Variants in CNTN3 observed in about 807,000 individuals in gnomAD.
CNTN3 encodes contactin 3, also known as contactin-3.
In CNTN3, 60 loss-of-function variants were observed where a neutral mutation model predicts 119.1. The ratio of observed to expected loss-of-function variants is 0.50; its 90% confidence interval spans 0.41 to 0.62. The LOEUF (loss-of-function observed/expected upper bound fraction) is 0.62. Ranked by LOEUF, CNTN3 falls within the 20% of genes least tolerant of loss-of-function variation. CNTN3 has a pLI of 0.00. For synonymous variants in CNTN3, 450 were observed against 438.7 expected, an observed-to-expected ratio of 1.03 and a Z score of -0.32; for missense variants, 1,101 against 1,242.4, an observed-to-expected ratio of 0.89 and a Z score of 1.71.
chr3:74,273,049 G>C (rs1377349304), intron 20 of CNTN3, among the ~76,000 whole-genome samples: 2 of 152,046 alleles, frequency 1.3e-5, no homozygotes, highest in Non-Finnish European at 2.9e-5. Flanking sequence ...GGCAAAATAG[G>C]TGGATCACAT....
intron 1 of CNTN3, among the ~76,000 whole-genome samples, chr3:74,535,151 G>A (rs1285990026): frequency 6.6e-6 from 1 of 152,028 alleles, no homozygotes; most frequent in Non-Finnish European, 1.5e-5. Context: ...GCTTACCTGT[G>A]TTTTTAAAAT....
At chr3:74,319,363 A>G (rs1321353136) in intron 13 of CNTN3, among the ~76,000 whole-genome samples, 1 of 152,186 alleles carries the variant, frequency 6.6e-6, no homozygotes, top group African/African-American at 2.4e-5. Flanking sequence ...ATAATGCCGC[A>G]TATCTACAAC....
At chr3:74,333,417 T>G (rs991309886) in intron 13 of CNTN3, among the ~76,000 whole-genome samples, 1 of 152,196 alleles carries the variant, frequency 6.6e-6, no homozygotes, top group African/African-American at 2.4e-5. Flanking sequence ...TCCTTGCCTC[T>G]TCCAGCTTCT....
chr3:74,329,362 C>T (rs980793391), intron 13 of CNTN3, among the ~76,000 whole-genome samples: 24 of 152,188 alleles, frequency 1.6e-4, no homozygotes, highest in Admixed American at 3.9e-4. Flanking sequence ...TCTAATTTAT[C>T]ATAGATCCAA....
Position 74,263,276 on chromosome 3 carries a change from A to C in CNTN3, c.*1125T>G, listed in dbSNP as rs2106733662. ...ATTGCCTTGGTTCTATTACAAATTT[A>C]ACTCAGGAACTAAAAAGCCTGCCAG... On this transcript the variant is annotated 3_prime_UTR_variant, in exon 23 of 23. Coordinates refer to ENST00000263665, the MANE Select transcript of CNTN3 (RefSeq NM_020872.3). The C allele has an allele frequency of 6.6e-6, 1 of 152,264 alleles. No individual in the cohort carries two copies. The highest frequency in any genetic ancestry group is 1.5e-5 in the Non-Finnish European group (1 of 67,998). 9.4% of individuals were successfully genotyped at this position (152,264 alleles called of 1,614,324 possible).
chr3:74,519,192 C>T (rs1164744874), intron 2 of CNTN3, among the ~76,000 whole-genome samples: 1 of 151,658 alleles, frequency 6.6e-6, no homozygotes, highest in African/African-American at 2.4e-5. Flanking sequence ...GGAAACATAT[C>T]TACATATATG....
At chr3:74,514,233 CAAT>C (rs1458188340) in intron 2 of CNTN3, among the ~76,000 whole-genome samples, 1 of 151,924 alleles carries the variant, frequency 6.6e-6, no homozygotes, top group Non-Finnish European at 1.5e-5. Context: ...TAATATGCTC[CAAT>C]AATTGTCAAC....
chr3:74,297,671 T>A (rs1702369155), intron 18 of CNTN3, among the ~76,000 whole-genome samples: 1 of 152,212 alleles, frequency 6.6e-6, no homozygotes. Flanking sequence ...AGGCATTTTC[T>A]TGCATGACTT....
chr3:74,506,828 A>T (rs1703270200), intron 2 of CNTN3, among the ~76,000 whole-genome samples: 1 of 151,958 alleles, frequency 6.6e-6, no homozygotes, highest in African/African-American at 2.4e-5. Flanking sequence ...GTTCTCACTC[A>T]CCACATGAAA....
intron 1 of CNTN3, among the ~76,000 whole-genome samples, chr3:74,531,103 T>G (rs1197362358): frequency 6.6e-6 from 1 of 151,938 alleles, no homozygotes; most frequent in East Asian, 1.9e-4. Context: ...AGCCAAAACA[T>G]TATTTCTTTA....
intron 2 of CNTN3, among the ~76,000 whole-genome samples, chr3:74,505,502 T>TACACCC: frequency 6.8e-6 from 1 of 146,660 alleles, no homozygotes; most frequent in South Asian, 2.2e-4. Context: ...TGTGCATAAA[T>TACACCC]ACACACACAC....
intron 1 of CNTN3, among the ~76,000 whole-genome samples, chr3:74,560,977 G>A (rs2107173708): frequency 7.4e-6 from 1 of 135,834 alleles, no homozygotes; most frequent in Non-Finnish European, 1.5e-5. Flanking sequence ...ATTGAACAAT[G>A]AGAACACTTG....
intron 1 of CNTN3, among the ~76,000 whole-genome samples, chr3:74,557,755 A>C (rs1336471160): frequency 4.0e-5 from 6 of 149,708 alleles, no homozygotes; most frequent in African/African-American, 7.3e-5. Context: ...AGGAAATGCC[A>C]GTCAGAGAGA....
intron 1 of CNTN3, among the ~76,000 whole-genome samples, chr3:74,553,949 T>C (rs974023434): frequency 6.6e-6 from 1 of 152,220 alleles, no homozygotes; most frequent in Non-Finnish European, 1.5e-5. Context: ...ATTTTGGCTT[T>C]TGTTGCCATT....
At chr3:74,289,119 C>T in intron 19 of CNTN3, among the ~76,000 whole-genome samples, 1 of 152,170 alleles carries the variant, frequency 6.6e-6, no homozygotes, top group Admixed American at 6.5e-5. Context: ...ATTAAATACT[C>T]TGCCAAGTCC....
chr3:74,421,223 T>C (rs1402587919), intron 5 of CNTN3, among the ~76,000 whole-genome samples: 1 of 152,082 alleles, frequency 6.6e-6, no homozygotes, highest in Non-Finnish European at 1.5e-5. Flanking sequence ...CAGGCTGGAG[T>C]GCAGTGGTAT....
At chr3:74,472,660 T>A (rs1164976237) in intron 4 of CNTN3, among the ~76,000 whole-genome samples, 1 of 152,208 alleles carries the variant, frequency 6.6e-6, no homozygotes, top group African/African-American at 2.4e-5. Flanking sequence ...TGAGACCAGG[T>A]TGAAAAGCAT....
chr3:74,601,502 G>C (rs1704910087), intron 1 of CNTN3, among the ~76,000 whole-genome samples: 1 of 152,066 alleles, frequency 6.6e-6, no homozygotes, highest in South Asian at 2.1e-4. Flanking sequence ...GCAGTAATTA[G>C]AGGTATAATT....
At chr3:74,573,648 T>C (rs1704369237) in intron 1 of CNTN3, among the ~76,000 whole-genome samples, 1 of 151,972 alleles carries the variant, frequency 6.6e-6, no homozygotes, top group Admixed American at 6.6e-5. Flanking sequence ...TGAATAGACA[T>C]TTCTCCAAGG....
Sources: gnomAD v4.1 joint callset for allele counts (sites outside exome capture counted in the v4.1 genomes callset) on GRCh38, gnomAD v4.1.1 for gene constraint, MANE v1.5 for transcripts, NCBI Gene and HGNC (gene_info 2026-07-23, HGNC 2026-07-21) for gene names.